Variants in TASL observed in about 807,000 individuals in gnomAD.
TASL encodes the protein TLR adaptor interacting with endolysosomal SLC15A4.
A neutral mutation model predicts 12.9 loss-of-function variants in TASL; 6 were observed. The observed-to-expected ratio is 0.46, with a 90% confidence interval of 0.25 to 0.92. The LOEUF (loss-of-function observed/expected upper bound fraction) is 0.92. Ranked by LOEUF, TASL falls within the 40% of genes least tolerant of loss-of-function variation. The pLI is 0.17. For missense variants in TASL, 165 were observed against 212.8 expected, an observed-to-expected ratio of 0.78 and a Z score of 1.40; for synonymous variants, 85 against 79.3, an observed-to-expected ratio of 1.07 and a Z score of -0.38.
At chrX:30,576,908 T>C (rs979607244) in intron 1 of TASL, 42 bp from the exon 2 acceptor site, 7 of 112,148 alleles carry the variant, frequency 6.2e-5, no homozygotes, top group African/African-American at 2.3e-4. Context: ...AAATATTCTG[T>C]CCAAACCAGG....
At chrX:30,576,029 T>G (rs1171535655) in intron 2 of TASL, among the ~76,000 whole-genome samples, 1 of 111,988 alleles carries the variant, frequency 8.9e-6, no homozygotes, top group Non-Finnish European at 1.9e-5. Flanking sequence ...TAATTGTTAA[T>G]CATTGTTAAT....
chrX:30,572,899 A>G (rs1047292792), intron 2 of TASL, among the ~76,000 whole-genome samples: 6 of 111,808 alleles, frequency 5.4e-5, no homozygotes, highest in African/African-American at 2.0e-4. Flanking sequence ...CAGGGGGCCA[A>G]TTTGGTCCTG....
intron 2 of TASL, among the ~76,000 whole-genome samples, chrX:30,564,424 C>T (rs1930469067): frequency 9.3e-6 from 1 of 107,663 alleles, no homozygotes; most frequent in Admixed American, 9.9e-5. Context: ...GAGTGAAAAT[C>T]GATCTATACC....
intron 2 of TASL, among the ~76,000 whole-genome samples, chrX:30,564,501 G>GA (rs1288324920): frequency 9.1e-6 from 1 of 110,189 alleles, no homozygotes; most frequent in African/African-American, 3.3e-5. Context: ...CTTCCAGAAT[G>GA]AAAAAAAGAG....
At chrX:30,564,868 T>C (rs1930477218) in intron 2 of TASL, among the ~76,000 whole-genome samples, 1 of 111,827 alleles carries the variant, frequency 8.9e-6, no homozygotes, top group Admixed American at 9.5e-5. Context: ...TTCTAAACCC[T>C]GCAATGTAAA....
intron 2 of TASL, among the ~76,000 whole-genome samples, chrX:30,565,347 A>G (rs1342960478): frequency 1.8e-5 from 2 of 112,505 alleles, no homozygotes; most frequent in Non-Finnish European, 3.8e-5. Context: ...TAACAGGCTT[A>G]AAAGGCAACC....
At chrX:30,564,826 C>T (rs1930476532) in intron 2 of TASL, among the ~76,000 whole-genome samples, 1 of 111,842 alleles carries the variant, frequency 8.9e-6, no homozygotes, top group South Asian at 3.7e-4. Context: ...GAGAAACAAA[C>T]AGCCCTTAAA....
At chrX:30,573,100 C>G (rs1484118042) in intron 2 of TASL, among the ~76,000 whole-genome samples, 1 of 112,039 alleles carries the variant, frequency 8.9e-6, no homozygotes, top group Non-Finnish European at 1.9e-5. Context: ...TAATTTTTTT[C>G]TCTTTATCAT....
intron 2 of TASL, among the ~76,000 whole-genome samples, chrX:30,574,193 C>G (rs1406150420): frequency 9.0e-6 from 1 of 110,893 alleles, no homozygotes; most frequent in Non-Finnish European, 1.9e-5. Context: ...GGTTCCCTAT[C>G]CATCCTCTGG....
chrX:30,566,076 T>G (rs750524378), intron 2 of TASL, among the ~76,000 whole-genome samples: 1 of 109,968 alleles, frequency 9.1e-6, no homozygotes, highest in East Asian at 3.0e-4. Context: ...CAGCCTATAA[T>G]TGCAATTTAA....
At chrX:30,574,929 GC>G (rs1381610540) in intron 2 of TASL, among the ~76,000 whole-genome samples, 3 of 111,590 alleles carry the variant, frequency 2.7e-5, no homozygotes, top group Non-Finnish European at 5.6e-5. Context: ...CTTTCAAGTA[GC>G]TTGGATCAAT....
chrX:30,576,995 C>T (rs1357916353), intron 1 of TASL, 129 bp from the exon 2 acceptor site: 1 of 112,254 alleles, frequency 8.9e-6, no homozygotes, highest in Non-Finnish European at 1.9e-5. Context: ...AAACAAAACT[C>T]CACTCGTACA....
In TASL at chrX:30,559,815, T is replaced by C. The variant is rs1420545183; in HGVS notation, c.541A>G (p.Ile181Val). Residue 181 changes from isoleucine (I) to valine (V), a missense_variant, in exon 3 of 3, where the codon ATC (isoleucine) becomes GTC (valine). By Grantham distance (29) the Ile-to-Val change is conservative. Coordinates refer to ENST00000378962, the MANE Select transcript of TASL (RefSeq NM_025159.3). Reference sequence around the variant, plus strand: ...CTCCAATAGGATGAGTACCGCTGGATAGGTTTTTGGGGAAAGTCACTGGGC... The same window carrying C: ...CTCCAATAGGATGAGTACCGCTGGACAGGTTTTTGGGGAAAGTCACTGGGC... Reference protein sequence around the residue: ...TQPSDFPQKPIQRYSSYWRIT... With the variant: ...TQPSDFPQKPVQRYSSYWRIT... The C allele has an allele frequency of 2.5e-6, 3 of 1,210,719 alleles. No individual in the cohort carries two copies. Among genetic ancestry groups the C allele is most frequent in the Non-Finnish European group, 3.4e-6 (3 of 895,059 alleles).
At position 30,571,104 on chromosome X, in the gene TASL, C is replaced by T. The variant is rs575284444; in HGVS notation, c.-2+5648G>A. On this transcript the variant is annotated intron_variant, in intron 2 of 2. Coordinates refer to ENST00000378962, the MANE Select transcript of TASL (RefSeq NM_025159.3). ...CTGAGGCAGGAGAATCGCTTGAACC[C>T]GGGAGGTGGAGGTTGTGGTGAGCTG... 1.2e-4 allele frequency among the ~76,000 whole-genome samples: 12 copies of T among 103,565 alleles called. No homozygotes were observed. The South Asian group carries it at 1.3e-3, about 11-fold the overall frequency. 89.9% of individuals were successfully genotyped at this position (103,565 alleles called of 115,157 possible).
rs963341018 is a variant in TASL at position 30,559,686 on chromosome X, G to C, written c.670C>G (p.Gln224Glu). ...LEQKVVELYK[Q>E]YIMDTVFHDS... ...TGAAACACGGTGTCCATAATGTACT[G>C]TTTATATAACTCCACAACCTTCTGC... The change falls in exon 3 of 3, where the codon CAG (glutamine) becomes GAG (glutamate). Residue 224 changes from glutamine (Q) to glutamate (E), a missense_variant. By Grantham distance (29) the Gln-to-Glu change is conservative. Transcript: ENST00000378962. 3 of 1,207,873 alleles carry C rather than the reference G, an allele frequency of 2.5e-6. No homozygotes were observed. The highest frequency in any genetic ancestry group is 3.4e-6 in the Non-Finnish European group (3 of 893,411).
At chrX:30,572,997 G>A (rs1363716329) in intron 2 of TASL, among the ~76,000 whole-genome samples, 1 of 112,139 alleles carries the variant, frequency 8.9e-6, no homozygotes, top group Admixed American at 9.5e-5. Context: ...TGTATGCCGA[G>A]TGCTTTCCAG....
intron 2 of TASL, among the ~76,000 whole-genome samples, chrX:30,561,755 G>T (rs566819305): frequency 9.5e-6 from 1 of 104,888 alleles, no homozygotes; most frequent in African/African-American, 3.5e-5. Context: ...TTTTTTTAAT[G>T]TTTACTATAT....
rs1212132051 is a variant in TASL at position 30,558,932 on chromosome X, C to T, written c.*518G>A. 1 of 110,623 alleles carries T rather than the reference C, an allele frequency of 9.0e-6. No individual in the cohort carries two copies. The highest frequency in any genetic ancestry group is 1.9e-5 in the Non-Finnish European group (1 of 53,006). The allele number at this position is 110,623 out of a possible 1,213,427, so 9.1% of individuals were successfully genotyped here. On this transcript the variant is annotated 3_prime_UTR_variant, in exon 3 of 3. Transcript: ENST00000378962. ...AAGAGATTCTCCTGCCTCAGCCTCC[C>T]TAGTAGCTGGGATTACAGGTACCCA...
intron 2 of TASL, among the ~76,000 whole-genome samples, chrX:30,571,262 G>GAAAGAAAGAA (rs1930599777): frequency 3.3e-4 from 9 of 27,318 alleles, no homozygotes; most frequent in African/African-American, 8.5e-4. Context: ...GAAAGAGAAA[G>GAAAGAAAGAA]AAAGAAAGAA....
Sources: gnomAD v4.1 joint callset for allele counts (sites outside exome capture counted in the v4.1 genomes callset) on GRCh38, gnomAD v4.1.1 for gene constraint, MANE v1.5 for transcripts, NCBI Gene and HGNC (gene_info 2026-07-23, HGNC 2026-07-21) for gene names.